Variants in SRSF2 observed in about 807,000 individuals in gnomAD.
The protein encoded by SRSF2 is serine and arginine rich splicing factor 2.
A neutral mutation model predicts 15.7 loss-of-function variants in SRSF2; 4 were observed. That is an observed-to-expected ratio of 0.26 (90% CI 0.13 to 0.58). SRSF2 has a LOEUF of 0.58. Among genes scored for constraint, SRSF2 ranks in the 20% least tolerant of loss-of-function variants. The pLI, the probability that SRSF2 is intolerant of heterozygous loss-of-function variation, is 0.90. For missense variants in SRSF2, 147 were observed against 332.4 expected (o/e 0.44, Z 4.34); for synonymous variants, 192 against 138.9 (o/e 1.38, Z -2.69).
In SRSF2 at chr17:76,736,183, T is replaced by C. The variant is rs1188720733; in HGVS notation, c.644A>G (p.Glu215Gly). 6.2e-7 allele frequency: 1 copy of C among 1,612,086 alleles called. No individual in the cohort carries two copies. The highest frequency in any genetic ancestry group is 8.5e-7 in the Non-Finnish European group (1 of 1,178,810). Residue 215 changes from glutamate (E) to glycine (G), a missense_variant, in exon 2 of 3, where the codon GAG (glutamate) becomes GGG (glycine). By Grantham distance (98) the Glu-to-Gly change is moderately conservative. Around this residue, in one of 2 missense-constraint regions of SRSF2, gnomAD observed 125 missense variants for 185.1 expected, o/e 0.68. Transcript: ENST00000359995. Reference sequence around the variant, plus strand: ...TTCTTAAGAGGACACCGCTCCTTCCTCTTCAGGAGACTTGGGGGGACTCTT... The same window carrying C: ...TTCTTAAGAGGACACCGCTCCTTCCCCTTCAGGAGACTTGGGGGGACTCTT... ...RSKSPPKSPEEEGAVSS is the reference protein window; with the variant it reads ...RSKSPPKSPEGEGAVSS
At chr17:76,736,547 C>A in intron 1 of SRSF2, 83 bp from the exon 2 acceptor site, 1 of 1,446,912 alleles carries the variant, frequency 6.9e-7, no homozygotes, top group Non-Finnish European at 9.2e-7. Flanking sequence ...CCCAGGCCGC[C>A]ATTATCTCGC....
chr17:76,734,722 C>G lies in SRSF2; in HGVS notation c.*444G>C, dbSNP rs1235504454. On this transcript the variant is annotated 3_prime_UTR_variant, in exon 3 of 3. Transcript: ENST00000359995. ...AATAACATATACAAATTTACACCAA[C>G]TTTTGTAGGTTTTTAATTTTAAGGA... 1 of 235,968 alleles carries G rather than the reference C, an allele frequency of 4.2e-6. No individual in the cohort carries two copies. The highest frequency in any genetic ancestry group is 2.2e-5 in the African/African-American group (1 of 44,752). 14.6% of individuals were successfully genotyped at this position (235,968 alleles called of 1,614,324 possible).
intron 2 of SRSF2, chr17:76,735,436 C>G (rs944798038): frequency 8.9e-6 from 2 of 223,492 alleles, no homozygotes; most frequent in African/African-American, 2.2e-5. Flanking sequence ...CAAACAAAAA[C>G]AACTCGAGAT....
chr17:76,735,573 T>G, intron 2 of SRSF2: 1 of 231,720 alleles, frequency 4.3e-6, no homozygotes, highest in African/African-American at 2.2e-5. Context: ...ACCAAACAAT[T>G]TAAGAGTTAA....
intron 2 of SRSF2, chr17:76,735,809 G>A: frequency 2.2e-6 from 1 of 459,302 alleles, no homozygotes; most frequent in Non-Finnish European, 4.1e-6. Context: ...GGTCCCTGGA[G>A]GATCAGCCAA....
At chr17:76,736,524 C>T in intron 1 of SRSF2, 60 bp from the exon 2 acceptor site, 1 of 1,531,934 alleles carries the variant, frequency 6.5e-7, no homozygotes, top group South Asian at 1.2e-5. Flanking sequence ...CCGGCCCCGC[C>T]CGCGCGCTCC....
At position 76,736,219 on chromosome 17, in the gene SRSF2, CTGGATT is replaced by C. The variant is rs771569253; in HGVS notation, c.602_607del (p.Lys201_Ser202del). Reference sequence around the variant, plus strand: ...CTTGGGGGGACTCTTCGATCGCGACCTGGATTTGGATTCCCTCTTGGACACTGGGGG... The same window carrying C: ...CTTGGGGGGACTCTTCGATCGCGACCTGGATTCCCTCTTGGACACTGGGGG... On this transcript the variant is annotated inframe_deletion, in exon 2 of 3. Transcript: ENST00000359995. 3.1e-6 allele frequency: 5 copies of C among 1,614,088 alleles called. No individual in the cohort carries two copies. In the African/African-American group the frequency reaches 6.7e-5, roughly 22 times the overall value.
rs1363234876 is a variant in SRSF2, at chr17:76,735,208, T to C, written c.*8-50A>G. 5 of 218,256 alleles carry C rather than the reference T, an allele frequency of 2.3e-5. No homozygotes were observed. In the East Asian group the frequency reaches 2.7e-4, roughly 12 times the overall value. The allele number at this position is 218,256 out of a possible 1,614,324, so 13.5% of individuals were successfully genotyped here. ...AGCTTACCTTCCATTAAAGTGCACATGGTTTCAGTTTCAGGCACGTACTTA... is the reference window on the plus strand; with the variant it reads ...AGCTTACCTTCCATTAAAGTGCACACGGTTTCAGTTTCAGGCACGTACTTA... On this transcript the variant is annotated intron_variant, in intron 2 of 2. Coordinates refer to ENST00000359995, the MANE Select transcript of SRSF2 (RefSeq NM_001195427.2).
At position 76,734,932 on chromosome 17, in the gene SRSF2, C is replaced by T. The variant is rs2077390045; in HGVS notation, c.*234G>A. 1 of 232,674 alleles carries T rather than the reference C, an allele frequency of 4.3e-6. No homozygotes were observed. The highest frequency in any genetic ancestry group is 6.5e-5 in the East Asian group (1 of 15,404). 14.4% of individuals were successfully genotyped at this position (232,674 alleles called of 1,614,324 possible). On this transcript the variant is annotated 3_prime_UTR_variant, in exon 3 of 3. Coordinates refer to ENST00000359995, the MANE Select transcript of SRSF2 (RefSeq NM_001195427.2). Reference sequence around the variant, plus strand: ...AAATATCCAAATCCAATAATGAAATCTGAAGTCGTTCACCTCACTAAATTA... The same window carrying T: ...AAATATCCAAATCCAATAATGAAATTTGAAGTCGTTCACCTCACTAAATTA...
Position 76,734,750 on chromosome 17 carries a change from G to A in SRSF2, c.*416C>T. On this transcript the variant is annotated 3_prime_UTR_variant, in exon 3 of 3. Coordinates refer to ENST00000359995, the MANE Select transcript of SRSF2 (RefSeq NM_001195427.2). ...TTGTAGGTTTTTAATTTTAAGGAAT[G>A]AAGGCAATGCTGAGTCAATCTCTTG... 4.2e-6 allele frequency: 1 copy of A among 238,460 alleles called. No homozygotes were observed. The highest frequency in any genetic ancestry group is 8.9e-6 in the Non-Finnish European group (1 of 112,378). 14.8% of individuals were successfully genotyped at this position (238,460 alleles called of 1,614,324 possible).
rs760875189 is a variant in SRSF2 at position 76,736,350 on chromosome 17, CGACCGAGATCGAGAACGAGTGCGG to C, written c.453_476del (p.Arg152_Ser159del). 1 of 1,614,086 alleles carries C rather than the reference CGACCGAGATCGAGAACGAGTGCGG, an allele frequency of 6.2e-7. No homozygotes were observed. The highest frequency in any genetic ancestry group is 1.1e-5 in the South Asian group (1 of 91,068). ...TTCGTGCGGATCTGGACTTGGAGGTCGACCGAGATCGAGAACGAGTGCGGGACCGAGACTTCGAGCGGCTGTAGC... is the reference window on the plus strand; with the variant it reads ...TTCGTGCGGATCTGGACTTGGAGGTCGACCGAGACTTCGAGCGGCTGTAGC... On this transcript the variant is annotated inframe_deletion, in exon 2 of 3. Coordinates refer to ENST00000359995, the MANE Select transcript of SRSF2 (RefSeq NM_001195427.2).
chr17:76,736,004 CCT>C (rs992559842), intron 2 of SRSF2, 148 bp downstream of exon 2: 21 of 743,322 alleles, frequency 2.8e-5, no homozygotes, highest in Middle Eastern at 4.8e-4. Context: ...TCTGCAGACC[CCT>C]CTCTTCAGTA....
At chr17:76,735,255 T>C (rs1008924238) in intron 2 of SRSF2, 97 bp from the exon 3 acceptor site, 2 of 218,672 alleles carry the variant, frequency 9.1e-6, no homozygotes, top group Non-Finnish European at 1.8e-5. Flanking sequence ...GTCAAACCAG[T>C]AGGGTACAGA....
At chr17:76,736,043 A>G in intron 2 of SRSF2, 111 bp downstream of exon 2, 2 of 1,117,348 alleles carry the variant, frequency 1.8e-6, no homozygotes, top group Non-Finnish European at 2.6e-6. Flanking sequence ...GTAACCTCCG[A>G]GCAGCACTCC....
intron 1 of SRSF2, 90 bp downstream of exon 1, chr17:76,736,709 A>G: frequency 7.5e-7 from 1 of 1,338,172 alleles, no homozygotes; most frequent in Non-Finnish European, 9.6e-7. Flanking sequence ...CCGGGCCCGC[A>G]CCACGTGCTT....
At chr17:76,736,691 C>T (rs1349733755) in intron 1 of SRSF2, 108 bp downstream of exon 1, 2 of 1,290,912 alleles carry the variant, frequency 1.5e-6, no homozygotes, top group South Asian at 2.0e-5. Context: ...CGTGCACCCC[C>T]GCCCCGTCCG....
At position 76,736,197 on chromosome 17, in the gene SRSF2, G is replaced by A. The variant is rs776881024; in HGVS notation, c.630C>T (p.Pro210=). 116 of 1,613,646 alleles carry A rather than the reference G, an allele frequency of 7.2e-5. No homozygotes were observed. Among genetic ancestry groups the A allele is most frequent in the Non-Finnish European group, 9.7e-5 (114 of 1,179,864 alleles). ...CCGCTCCTTCCTCTTCAGGAGACTT[G>A]GGGGGACTCTTCGATCGCGACCTGG... ...SKSRSRSKSP[P]KSPEEEGAVS... is the part of the protein sequence containing the mutation. Residue 210 remains proline (P), a synonymous_variant, in exon 2 of 3, where the codon CCC becomes CCT. Transcript: ENST00000359995.
rs538819582 is a variant in SRSF2 at position 76,736,057 on chromosome 17, T to C, written c.*7+97A>G. On this transcript the variant is annotated intron_variant, in intron 2 of 2. Transcript: ENST00000359995. ...AGTAACCTCCGAGCAGCACTCCTAA[T>C]GATAGGAGTCATTCTTACATTAACA... The C allele has an allele frequency of 2.2e-4, 272 of 1,218,478 alleles. 1 individual carries two copies. The African/African-American group carries it at 3.6e-3, about 16-fold the overall frequency. 75.5% of individuals were successfully genotyped at this position (1,218,478 alleles called of 1,614,324 possible).
rs373001591 is a variant in SRSF2 at position 76,736,289 on chromosome 17, G to A, written c.538C>T (p.Arg180Cys). ...KSKSSSVSRS[R>C]SRSRSRSRSR... ...CGAGACCGGGACCTGGACCGCGAAC[G>A]AGATCTGGAGACCGACGAGGACTTG... Residue 180 changes from arginine (R) to cysteine (C), a missense_variant, in exon 2 of 3, where the codon CGT becomes TGT. Coordinates refer to ENST00000359995, the MANE Select transcript of SRSF2 (RefSeq NM_001195427.2). The A allele has an allele frequency of 2.5e-6, 4 of 1,614,060 alleles. No individual in the cohort carries two copies. The highest frequency in any genetic ancestry group is 1.3e-5 in the African/African-American group (1 of 74,930).
Sources: allele counts gnomAD v4.1 joint callset, GRCh38; gene constraint gnomAD v4.1.1; regional missense constraint gnomAD v4.1.1; transcripts MANE v1.5; gene names NCBI Gene and HGNC (gene_info 2026-07-23, HGNC 2026-07-21).